The following LOC128462377 variants were observed in gnomAD, a reference collection of about 807,000 sequenced individuals.
chr16:89,326,004 A>G, the LOC128462377 span, among the ~76,000 whole-genome samples: 2 of 152,188 alleles, frequency 1.3e-5, no homozygotes, highest in African/African-American at 4.8e-5. Flanking sequence ...GCAGAGTGCA[A>G]CAGGGAGCTT....
the LOC128462377 span, among the ~76,000 whole-genome samples, chr16:89,384,538 C>CTGGGATGGGA: frequency 2.4e-4 from 35 of 148,224 alleles, no homozygotes; most frequent in African/African-American, 7.0e-4. Flanking sequence ...TGGGATGGGA[C>CTGGGATGGGA]TGGGATGGGA....
the LOC128462377 span, among the ~76,000 whole-genome samples, chr16:89,347,512 G>A: frequency 1.3e-5 from 2 of 151,730 alleles, no homozygotes; most frequent in East Asian, 3.9e-4. Flanking sequence ...TAGGGAGGCT[G>A]AGGCAGGAGA....
chr16:89,366,235 T>C, the LOC128462377 span, among the ~76,000 whole-genome samples: 2 of 152,104 alleles, frequency 1.3e-5, no homozygotes, highest in Non-Finnish European at 2.9e-5. Context: ...CCGTCACTGA[T>C]AGATGCTCAT....
chr16:89,322,916 T>G, the LOC128462377 span, among the ~76,000 whole-genome samples: 1 of 152,226 alleles, frequency 6.6e-6, no homozygotes, highest in Non-Finnish European at 1.5e-5. Flanking sequence ...TGATCACAGC[T>G]CACTGTAGCC....
the LOC128462377 span, among the ~76,000 whole-genome samples, chr16:89,377,565 C>T: frequency 6.6e-6 from 1 of 152,104 alleles, no homozygotes; most frequent in Admixed American, 6.5e-5. Flanking sequence ...AATTAGAAGA[C>T]AACCTGGTGG....
the LOC128462377 span, among the ~76,000 whole-genome samples, chr16:89,386,988 C>T: frequency 6.6e-6 from 1 of 151,924 alleles, no homozygotes; most frequent in Non-Finnish European, 1.5e-5. Context: ...ACCCTGGGAG[C>T]CCTGTATCGA....
chr16:89,384,557 G>C, the LOC128462377 span, among the ~76,000 whole-genome samples: 2 of 148,016 alleles, frequency 1.4e-5, no homozygotes, highest in South Asian at 2.2e-4. Flanking sequence ...GATGGGATGG[G>C]AATGGGACAG....
At chr16:89,408,551 G>A in the LOC128462377 span, among the ~76,000 whole-genome samples, 6 of 152,226 alleles carry the variant, frequency 3.9e-5, no homozygotes, top group Non-Finnish European at 7.3e-5. Flanking sequence ...GTAACAGCCA[G>A]TGCCCAGGCT....
At chr16:89,323,658 G>A in the LOC128462377 span, 5 of 321,018 alleles carry the variant, frequency 1.6e-5, no homozygotes, top group Non-Finnish European at 3.0e-5. Flanking sequence ...AGGCCCTCCC[G>A]CACACCGCCT....
At chr16:89,323,712 G>A in the LOC128462377 span, 1 of 286,080 alleles carries the variant, frequency 3.5e-6, no homozygotes, top group Non-Finnish European at 6.8e-6. Context: ...ACACACCCCT[G>A]CACGTTCTGA....
chr16:89,366,282 A>T, the LOC128462377 span, among the ~76,000 whole-genome samples: 3 of 152,124 alleles, frequency 2.0e-5, no homozygotes, highest in African/African-American at 7.2e-5. Context: ...TGGTGCTGCA[A>T]TGGACATTCG....
chr16:89,342,551 C>A, the LOC128462377 span, among the ~76,000 whole-genome samples: 3 of 152,362 alleles, frequency 2.0e-5, no homozygotes, highest in South Asian at 6.2e-4. Context: ...TAGCACACCA[C>A]GTGCCTGAGC....
At chr16:89,397,356 C>T in the LOC128462377 span, among the ~76,000 whole-genome samples, 3 of 152,232 alleles carry the variant, frequency 2.0e-5, no homozygotes, top group Non-Finnish European at 4.4e-5. Flanking sequence ...CAACTGGATG[C>T]GCATTTACAA....
chr16:89,353,351 AGAG>A, the LOC128462377 span, among the ~76,000 whole-genome samples: 1 of 138,458 alleles, frequency 7.2e-6, no homozygotes. Flanking sequence ...CCAAAAAAAA[AGAG>A]AGAGAGAGAG....
At chr16:89,392,849 C>T in the LOC128462377 span, among the ~76,000 whole-genome samples, 3 of 151,204 alleles carry the variant, frequency 2.0e-5, no homozygotes, top group African/African-American at 4.9e-5. Flanking sequence ...TACATTTAAC[C>T]GACTCCATCA....
the LOC128462377 span, among the ~76,000 whole-genome samples, chr16:89,342,030 CT>C: frequency 4.0e-3 from 306 of 76,344 alleles, 2 homozygotes; most frequent in East Asian, 0.038. Flanking sequence ...TGCACCTCCA[CT>C]GCCCACAGCG....
chr16:89,391,322 C>T, the LOC128462377 span, among the ~76,000 whole-genome samples: 1 of 152,060 alleles, frequency 6.6e-6, no homozygotes, highest in African/African-American at 2.4e-5. Context: ...CACAGGAACC[C>T]AGGGCTTGCG....
At chr16:89,324,233 C>G in the LOC128462377 span, 11 of 1,201,920 alleles carry the variant, frequency 9.2e-6, no homozygotes. Flanking sequence ...CTTTGCCCCT[C>G]AGACACATGC....
the LOC128462377 span, chr16:89,361,643 A>G: frequency 1.3e-5 from 2 of 152,236 alleles, no homozygotes; most frequent in Non-Finnish European, 2.9e-5. Flanking sequence ...TGGGACTGCC[A>G]GCAAAGGACA....
Sources: allele counts gnomAD v4.1 joint callset (sites outside exome capture counted in the v4.1 genomes callset), GRCh38; gene constraint gnomAD v4.1.1; transcripts MANE v1.5.